STK3: variants seen among roughly 807,000 people sequenced by gnomAD.
The protein encoded by STK3 is serine/threonine kinase 3.
A neutral mutation model predicts 58.0 loss-of-function variants in STK3; 41 were observed. The ratio of observed to expected loss-of-function variants is 0.71; its 90% CI spans 0.55 to 0.92. STK3 has a LOEUF of 0.92. Ranked by LOEUF, STK3 falls within the 40% of genes least tolerant of loss-of-function variation. The probability of loss-of-function intolerance (pLI) is 0.00; values close to 1 mark genes in which losing one functional copy is unlikely to be tolerated. For synonymous variants in STK3, 170 were observed against 191.0 expected, an observed-to-expected ratio of 0.89 and a Z score of 0.91; for missense variants, 479 against 602.7, an observed-to-expected ratio of 0.79 and a Z score of 2.15.
chr8:98,907,477 C>T (rs1838960711), intron 1 of STK3, among the ~76,000 whole-genome samples: 1 of 152,166 alleles, frequency 6.6e-6, no homozygotes, highest in South Asian at 2.1e-4. Flanking sequence ...TGTGCCACTG[C>T]ACTCCAGCCT....
intron 6 of STK3, among the ~76,000 whole-genome samples, chr8:98,684,533 C>A: frequency 6.6e-6 from 1 of 152,166 alleles, no homozygotes; most frequent in Non-Finnish European, 1.5e-5. Context: ...AAAGCAACTT[C>A]ATAAAGCTAG....
intron 3 of STK3, among the ~76,000 whole-genome samples, chr8:98,851,275 T>C (rs866888487): frequency 3.3e-5 from 5 of 152,260 alleles, no homozygotes; most frequent in Middle Eastern, 3.4e-3. Context: ...AGCATGTGTT[T>C]AGTGGGTGAA....
intron 3 of STK3, among the ~76,000 whole-genome samples, chr8:98,866,291 A>G (rs1435581773): frequency 6.6e-6 from 1 of 152,202 alleles, no homozygotes; most frequent in Non-Finnish European, 1.5e-5. Context: ...TCTTATGTCT[A>G]GGGCTGTGGG....
At chr8:98,892,113 C>G (rs960418805) in intron 1 of STK3, among the ~76,000 whole-genome samples, 1 of 152,176 alleles carries the variant, frequency 6.6e-6, no homozygotes, top group Non-Finnish European at 1.5e-5. Context: ...GTCACGGATG[C>G]CTGCAATTCT....
chr8:98,576,928 T>G (rs1330849983), intron 8 of STK3, among the ~76,000 whole-genome samples: 1 of 152,132 alleles, frequency 6.6e-6, no homozygotes, highest in Admixed American at 6.5e-5. Context: ...ATTGTCCCCG[T>G]CCTGGCACCA....
chr8:98,653,176 A>T (rs909715632), intron 6 of STK3, among the ~76,000 whole-genome samples: 6 of 152,166 alleles, frequency 3.9e-5, no homozygotes, highest in African/African-American at 7.2e-5. Context: ...GGATTAAGAC[A>T]CTCACTCAAA....
At chr8:98,755,632 T>G (rs111822874) in intron 3 of STK3, among the ~76,000 whole-genome samples, 3 of 152,134 alleles carry the variant, frequency 2.0e-5, no homozygotes, top group Non-Finnish European at 4.4e-5. Context: ...AAGAAAGAAA[T>G]GCTTAAACTC....
At chr8:98,509,424 A>G (rs1369276940) in intron 10 of STK3, among the ~76,000 whole-genome samples, 1 of 152,052 alleles carries the variant, frequency 6.6e-6, no homozygotes, top group Non-Finnish European at 1.5e-5. Flanking sequence ...TATAAACTAC[A>G]AACAAAAATA....
At chr8:98,398,951 A>C (rs969966127), downstream of STK3, among the ~76,000 whole-genome samples, 5 of 152,220 alleles carry the variant, frequency 3.3e-5, no homozygotes, top group African/African-American at 1.2e-4. Context: ...GGAAACTGTG[A>C]AATCTTCAAG....
In STK3 at chr8:98,763,705, C is replaced by T. The variant is rs552026398; in HGVS notation, c.236+3538G>A. Among the ~76,000 whole-genome samples, 4 of 151,890 alleles carry T rather than the reference C, an allele frequency of 2.6e-5. No homozygotes were observed. In the South Asian group the frequency reaches 8.3e-4, roughly 32 times the overall value. ...TTTTTCTTTTTGAGACAGAGTCTCA[C>T]TCTGTCACCCAGGCTGGAGTTCAGT... On this transcript the variant is annotated intron_variant, in intron 3 of 10. Transcript: ENST00000419617.
chr8:98,362,723 G>A, the STK3 span, among the ~76,000 whole-genome samples: 2 of 152,096 alleles, frequency 1.3e-5, no homozygotes, highest in Non-Finnish European at 2.9e-5. Context: ...GGGTGAAGTG[G>A]GGCAAAAGTA....
Position 98,655,929 on chromosome 8 carries a change from G to A in STK3, c.684+50538C>T, listed in dbSNP as rs543890342. ...CAACCATTGTGGAAGTCAGTGTGGC[G>A]ATTCCTCAGGGATCTAGAACTAGAA... is the stretch of plus-strand genomic sequence containing the variant. On this transcript the variant is annotated intron_variant, in intron 6 of 10. Transcript: ENST00000419617. Among the ~76,000 whole-genome samples, 31 of 152,296 alleles carry A rather than the reference G, an allele frequency of 2.0e-4. No homozygotes were observed. In the South Asian group the frequency reaches 4.4e-3, roughly 21 times the overall value.
rs756435012 is a variant in STK3 at position 98,429,434 on chromosome 8, C to T, written n.483+4693G>A. On this transcript the variant is annotated intron_variant and non_coding_transcript_variant, in intron 3 of 3. Transcript: ENST00000517832. ...GTTAGCCGGGAGGACTTGTCACCCT[C>T]CACCCCACATTGCTGAGCTGCCTCT... The T allele has an allele frequency of 1.9e-5, 30 of 1,538,994 alleles. No homozygotes were observed. The Admixed American group carries it at 4.8e-4, about 24-fold the overall frequency.
chr8:98,404,755 G>A (rs1817977403), intron 3 of STK3, among the ~76,000 whole-genome samples: 1 of 151,918 alleles, frequency 6.6e-6, no homozygotes, highest in Admixed American at 6.6e-5. Flanking sequence ...GAAGGCTGAG[G>A]TGGCAGGATT....
At chr8:98,655,699 A>G (rs1821434237) in intron 6 of STK3, among the ~76,000 whole-genome samples, 1 of 152,010 alleles carries the variant, frequency 6.6e-6, no homozygotes, top group Non-Finnish European at 1.5e-5. Flanking sequence ...ACTTCTCAAA[A>G]GAAGACATTT....
intron 10 of STK3, among the ~76,000 whole-genome samples, chr8:98,520,514 G>A (rs1225824422): frequency 6.6e-6 from 1 of 152,048 alleles, no homozygotes. Context: ...AATCTGCTCT[G>A]AGTACCTCAA....
the STK3 span, among the ~76,000 whole-genome samples, chr8:98,347,358 C>T: frequency 1.3e-5 from 2 of 151,346 alleles, no homozygotes; most frequent in Non-Finnish European, 2.9e-5. Flanking sequence ...ACTAAAAATA[C>T]AAAAAAATTA....
At chr8:98,903,556 C>CTTTTTT (rs200556218) in intron 1 of STK3, among the ~76,000 whole-genome samples, 1 of 50,502 alleles carries the variant, frequency 2.0e-5, no homozygotes. Context: ...TCTTCTTCTT[C>CTTTTTT]CTTTTTTTTT....
rs1838832723 is a variant in STK3, at chr8:98,904,971, G to A, written c.-78-21137C>T. 3 of 728,006 alleles carry A rather than the reference G, an allele frequency of 4.1e-6. 1 individual carries two copies. Among genetic ancestry groups the A allele is most frequent in the South Asian group, 4.0e-5 (3 of 74,206 alleles). 45.1% of individuals were successfully genotyped at this position (728,006 alleles called of 1,614,324 possible). A position where few individuals can be genotyped will look rare whatever the true frequency, so the allele number is the denominator to read the frequency against. ...AGAAGCTGCTGCCGCTGCTGCTACT[G>A]CCTCGTAAGAGCAGACCCAGTATCG... On this transcript the variant is annotated intron_variant, in intron 1 of 1. Coordinates refer to the STK3 transcript ENST00000519420.
Sources: gnomAD v4.1 joint callset for allele counts (sites outside exome capture counted in the v4.1 genomes callset) on GRCh38, gnomAD v4.1.1 for gene constraint, MANE v1.5 for transcripts, NCBI Gene and HGNC (gene_info 2026-07-23, HGNC 2026-07-21) for gene names.